The following NTM variants were observed in gnomAD, a reference collection of about 807,000 sequenced individuals.
NTM encodes the protein neurotrimin.
In NTM, 13 loss-of-function variants were observed where a neutral mutation model predicts 42.1. The observed-to-expected ratio is 0.31, with a 90% CI of 0.20 to 0.49. NTM has a LOEUF of 0.49. Among genes scored for constraint, NTM ranks in the 20% least tolerant of loss-of-function variants. The pLI, the probability that NTM is intolerant of heterozygous loss-of-function variation, is 0.99. For synonymous variants in NTM, 187 were observed against 179.2 expected (o/e 1.04, Z -0.35); for missense variants, 373 against 452.8 (o/e 0.82, Z 1.60).
In NTM at chr11:132,307,896, C is replaced by G. The variant is rs528747257; in HGVS notation, c.661+73C>G. The G allele has an allele frequency of 1.9e-5, 27 of 1,453,040 alleles. 1 individual carries two copies. The South Asian group carries it at 2.7e-4, about 14-fold the overall frequency. The allele number at this position is 1,453,040 out of a possible 1,614,324, so 90.0% of individuals were successfully genotyped here. On this transcript the variant is annotated intron_variant, in intron 5 of 8. Coordinates refer to ENST00000683400, the MANE Select transcript of NTM (RefSeq NM_001352005.2). ...TGTTGTCACAGCCACCACCCAGAGC[C>G]CATTGGCACAGCCAGCTACTGACTT... is the stretch of plus-strand genomic sequence containing the variant.
At chr11:132,027,816 C>T (rs1565978204) in intron 2 of NTM, among the ~76,000 whole-genome samples, 1 of 152,176 alleles carries the variant, frequency 6.6e-6, no homozygotes, top group Non-Finnish European at 1.5e-5. Context: ...ATTATTGCTT[C>T]AAACATTTTT....
At chr11:131,713,324 T>A (rs1298153348) in intron 1 of NTM, among the ~76,000 whole-genome samples, 1 of 152,198 alleles carries the variant, frequency 6.6e-6, no homozygotes, top group Non-Finnish European at 1.5e-5. Context: ...GTCCCTTAGC[T>A]GTGATAAAGT....
At chr11:131,958,954 C>T (rs939830706) in intron 2 of NTM, among the ~76,000 whole-genome samples, 4 of 152,192 alleles carry the variant, frequency 2.6e-5, no homozygotes, top group Non-Finnish European at 4.4e-5. Context: ...TTCAGGCAAA[C>T]AAGTCCACAT....
chr11:131,917,862 C>T (rs184484559), intron 2 of NTM, among the ~76,000 whole-genome samples: 1 of 152,314 alleles, frequency 6.6e-6, no homozygotes, highest in African/African-American at 2.4e-5. Flanking sequence ...GAAGCACATT[C>T]AGCTGTTGAG....
chr11:131,719,532 C>A (rs789550), intron 1 of NTM, among the ~76,000 whole-genome samples: 22,455 of 152,120 alleles, frequency 0.15, 1,816 homozygotes, highest in Middle Eastern at 0.22. Context: ...TGCAGGCTTA[C>A]TGTGGTAGAG....
intron 4 of NTM, among the ~76,000 whole-genome samples, chr11:132,282,166 G>A (rs2093994541): frequency 6.6e-6 from 1 of 152,198 alleles, no homozygotes; most frequent in Non-Finnish European, 1.5e-5. Context: ...TTACCTGAGT[G>A]TAGATATTGA....
At position 131,700,363 on chromosome 11, in the gene NTM, C is replaced by T. The variant is rs528809220; in HGVS notation, c.83-211201C>T. Among the ~76,000 whole-genome samples, 5 of 152,290 alleles carry T rather than the reference C, an allele frequency of 3.3e-5. No homozygotes were observed. In the South Asian group the frequency reaches 1.0e-3, roughly 32 times the overall value. On this transcript the variant is annotated intron_variant, in intron 1 of 8. Transcript: ENST00000683400. ...TGTTTGCATCCTAACACTCTCTTCTCCTCATTCCACACTTTGTCTCTAAGA... is the reference window on the plus strand; with the variant it reads ...TGTTTGCATCCTAACACTCTCTTCTTCTCATTCCACACTTTGTCTCTAAGA...
intron 1 of NTM, among the ~76,000 whole-genome samples, chr11:131,756,234 A>G (rs76144070): frequency 0.029 from 4,428 of 152,292 alleles, 206 homozygotes; most frequent in African/African-American, 0.098. Context: ...GAGGCACAGA[A>G]GTGAGGAAGA....
intron 1 of NTM, among the ~76,000 whole-genome samples, chr11:131,761,063 G>C (rs1435406235): frequency 6.6e-6 from 1 of 152,170 alleles, no homozygotes; most frequent in African/African-American, 2.4e-5. Flanking sequence ...TTTCTCATGT[G>C]GGGTGGGCAG....
At chr11:131,761,903 C>CTT (rs1030437757) in intron 1 of NTM, among the ~76,000 whole-genome samples, 40 of 150,544 alleles carry the variant, frequency 2.7e-4, no homozygotes, top group Non-Finnish European at 4.9e-4. Flanking sequence ...CTCTCTGTCT[C>CTT]CTCTCTCTGT....
chr11:132,336,400 AAAAC>A lies in NTM; in HGVS notation c.*1257_*1260del, dbSNP rs922009220. The A allele has an allele frequency of 1.2e-4, 19 of 152,282 alleles. No homozygotes were observed. Among genetic ancestry groups the A allele is most frequent in the African/African-American group, 4.6e-4 (19 of 41,504 alleles). 9.4% of individuals were successfully genotyped at this position (152,282 alleles called of 1,614,324 possible). ...AAAAGTGAAAGGATAAAAAAAAAAA[AAAAC>A]AACTAATACCGGGCGCAGCATCTTT... On this transcript the variant is annotated 3_prime_UTR_variant, in exon 9 of 9. Coordinates refer to ENST00000683400, the MANE Select transcript of NTM (RefSeq NM_001352005.2).
chr11:131,610,336 T>G (rs897609221), intron 1 of NTM, among the ~76,000 whole-genome samples: 2 of 152,160 alleles, frequency 1.3e-5, no homozygotes, highest in East Asian at 1.9e-4. Flanking sequence ...CCAAAACAAC[T>G]GCTGAACCAG....
chr11:132,108,820 C>T (rs566084782), intron 2 of NTM, among the ~76,000 whole-genome samples: 6 of 152,188 alleles, frequency 3.9e-5, no homozygotes, highest in Admixed American at 6.5e-5. Flanking sequence ...TCATCATCTA[C>T]GTTAGATATT....
intron 1 of NTM, among the ~76,000 whole-genome samples, chr11:131,440,939 C>A (rs541282207): frequency 2.0e-5 from 3 of 148,904 alleles, no homozygotes; most frequent in South Asian, 4.3e-4. Flanking sequence ...TTTTTGCTTT[C>A]CCTGCTTTGC....
At chr11:131,637,249 C>T (rs1361707668) in intron 1 of NTM, among the ~76,000 whole-genome samples, 1 of 151,882 alleles carries the variant, frequency 6.6e-6, no homozygotes, top group Non-Finnish European at 1.5e-5. Flanking sequence ...CCCCTGAGCT[C>T]GTCTTCTCCT....
chr11:131,384,779 G>T (rs1199482364), intron 1 of NTM, among the ~76,000 whole-genome samples: 2 of 152,228 alleles, frequency 1.3e-5, no homozygotes, highest in East Asian at 3.9e-4. Flanking sequence ...AAGTGTTTGA[G>T]AATATGCATT....
chr11:131,683,589 G>A (rs370189994), intron 1 of NTM, among the ~76,000 whole-genome samples: 72 of 152,196 alleles, frequency 4.7e-4, no homozygotes, highest in Admixed American at 2.0e-3. Flanking sequence ...GGATGTGTCC[G>A]AGGTTCACTC....
At chr11:132,234,397 T>C (rs973112519) in intron 4 of NTM, among the ~76,000 whole-genome samples, 1 of 152,172 alleles carries the variant, frequency 6.6e-6, no homozygotes, top group African/African-American at 2.4e-5. Flanking sequence ...CTCTGCTGGT[T>C]TCAAACCCAT....
intron 1 of NTM, among the ~76,000 whole-genome samples, chr11:131,410,517 C>CAAAAAAAAAAAAAAAAAAAAAAAAAAAA (rs1161389222): frequency 6.1e-5 from 2 of 32,764 alleles, no homozygotes; most frequent in African/African-American, 1.4e-4. Flanking sequence ...AAACAATAAC[C>CAAAAAAAAAAAAAAAAAAAAAAAAAAAA]AAAAAAAAAA....
Sources: allele counts gnomAD v4.1 joint callset (sites outside exome capture counted in the v4.1 genomes callset), GRCh38; gene constraint gnomAD v4.1.1; transcripts MANE v1.5; gene names NCBI Gene and HGNC (gene_info 2026-07-23, HGNC 2026-07-21).